Variants in DIAPH3 observed in about 807,000 individuals in gnomAD.
DIAPH3 encodes the protein protein diaphanous homolog 3.
DIAPH3 carries 117 observed loss-of-function variants against 144.3 expected under a neutral mutation model. The observed-to-expected ratio is 0.81, with a 90% confidence interval of 0.70 to 0.95. The LOEUF is 0.95. Ranked by LOEUF, DIAPH3 falls within the 40% of genes least tolerant of loss-of-function variation. The probability of loss-of-function intolerance (pLI) is 0.00; values close to 1 mark genes in which losing one functional copy is unlikely to be tolerated. For missense variants in DIAPH3, 1,421 were observed against 1,412.7 expected (o/e 1.01, Z -0.09); for synonymous variants, 519 against 488.9 (o/e 1.06, Z -0.81).
chr13:59,807,556 A>G (rs2040258811), intron 25 of DIAPH3, among the ~76,000 whole-genome samples: 1 of 152,036 alleles, frequency 6.6e-6, no homozygotes, highest in African/African-American at 2.4e-5. Context: ...TATCATTTAT[A>G]TAAATCTAAG....
chr13:60,056,577 A>C (rs189750148), intron 4 of DIAPH3, among the ~76,000 whole-genome samples: 2 of 151,924 alleles, frequency 1.3e-5, no homozygotes, highest in Admixed American at 1.3e-4. Flanking sequence ...CCAGATCTTG[A>C]ATTCTAAATA....
At chr13:59,980,950 A>G in intron 13 of DIAPH3, 91 bp from the exon 14 acceptor site, 1 of 1,046,834 alleles carries the variant, frequency 9.6e-7, no homozygotes, top group Non-Finnish European at 1.4e-6. Context: ...ATCATAGAAA[A>G]TAATTAAATA....
Position 59,939,731 on chromosome 13 carries a change from G to A in DIAPH3, c.2075-14861C>T, listed in dbSNP as rs142636242. Among the ~76,000 whole-genome samples the A allele has an allele frequency of 2.2e-4, 33 of 152,168 alleles. No homozygotes were observed. The East Asian group carries it at 6.4e-3, about 29-fold the overall frequency. On this transcript the variant is annotated intron_variant, in intron 17 of 27. Transcript: ENST00000400324. ...ATGGCTCTTTATCTAGGTTTGTTGT[G>A]GATCCCTGTATATACATATTGACTT...
intron 21 of DIAPH3, among the ~76,000 whole-genome samples, chr13:59,863,278 A>G (rs1197168264): frequency 6.8e-6 from 1 of 147,718 alleles, no homozygotes; most frequent in African/African-American, 2.7e-5. Flanking sequence ...ATACAAATAA[A>G]GGGTTAAAAA....
At chr13:60,067,143 G>C (rs1393050338) in intron 4 of DIAPH3, among the ~76,000 whole-genome samples, 1 of 152,018 alleles carries the variant, frequency 6.6e-6, no homozygotes, top group Non-Finnish European at 1.5e-5. Context: ...ACATTAGGCA[G>C]GCATGGTGGC....
intron 27 of DIAPH3, among the ~76,000 whole-genome samples, chr13:59,760,549 A>G (rs76726879): frequency 0.023 from 3,444 of 152,320 alleles, 93 homozygotes; most frequent in East Asian, 0.12. Context: ...AACGGTATTT[A>G]CTAGTTCATC....
rs1044574418 is a variant in DIAPH3, at chr13:60,010,763, G to C, written c.772-94C>G. On this transcript the variant is annotated intron_variant, in intron 7 of 27. Transcript: ENST00000400324. ...TGTAGTTATTAAAAAAAATTTATAG[G>C]ACATTTTTACACTTACTAAAGCTAA... 4.6e-6 allele frequency: 6 copies of C among 1,293,854 alleles called. No homozygotes were observed. The Admixed American group carries it at 1.2e-4, about 27-fold the overall frequency. The allele number at this position is 1,293,854 out of a possible 1,614,324, so 80.1% of individuals were successfully genotyped here. A position where few individuals can be genotyped will look rare whatever the true frequency, so the allele number is the denominator to read the frequency against.
chr13:60,111,892 A>G, intron 3 of DIAPH3, 118 bp downstream of exon 3: 1 of 965,980 alleles, frequency 1.0e-6, no homozygotes. Flanking sequence ...TGCTATCTTA[A>G]GTGACATCAG....
intron 5 of DIAPH3, among the ~76,000 whole-genome samples, chr13:60,041,672 A>T (rs776111896): frequency 1.5e-4 from 23 of 152,164 alleles, no homozygotes; most frequent in Non-Finnish European, 2.6e-4. Context: ...TCTAGCCTTC[A>T]GAACACACAC....
intron 4 of DIAPH3, among the ~76,000 whole-genome samples, chr13:60,088,169 G>A (rs985123895): frequency 2.6e-5 from 4 of 151,942 alleles, no homozygotes; most frequent in African/African-American, 9.7e-5. Flanking sequence ...CTTGACCTAC[G>A]AAAATTAATT....
chr13:59,952,251 A>G (rs536790987), intron 17 of DIAPH3, among the ~76,000 whole-genome samples: 45 of 152,156 alleles, frequency 3.0e-4, no homozygotes, highest in Non-Finnish European at 5.1e-4. Flanking sequence ...GGGGAAGTGA[A>G]TAATGGGGAG....
intron 20 of DIAPH3, among the ~76,000 whole-genome samples, chr13:59,885,824 C>A (rs542847795): frequency 1.3e-5 from 2 of 152,008 alleles, no homozygotes; most frequent in Non-Finnish European, 2.9e-5. Context: ...ATTAATGAAG[C>A]TAGCAGAGTG....
intron 5 of DIAPH3, among the ~76,000 whole-genome samples, chr13:60,032,082 C>G (rs1218444942): frequency 6.6e-6 from 1 of 152,146 alleles, no homozygotes; most frequent in Non-Finnish European, 1.5e-5. Context: ...GTCCCACATC[C>G]AGGCCACATT....
intron 24 of DIAPH3, among the ~76,000 whole-genome samples, chr13:59,829,120 A>T (rs900039922): frequency 6.6e-5 from 10 of 152,010 alleles, no homozygotes; most frequent in Admixed American, 3.9e-4. Context: ...TAGTCGTGAG[A>T]TTCTAGAAAC....
At chr13:60,063,584 C>A (rs564570728) in intron 4 of DIAPH3, among the ~76,000 whole-genome samples, 11 of 152,152 alleles carry the variant, frequency 7.2e-5, no homozygotes, top group African/African-American at 2.4e-4. Flanking sequence ...TGAAATGACT[C>A]CTTGATCCAT....
rs747091878 is a variant in DIAPH3, at chr13:59,666,713, T to C, written c.3453A>G (p.Ala1151=). 4 of 1,614,196 alleles carry C rather than the reference T, an allele frequency of 2.5e-6. No individual in the cohort carries two copies. Among genetic ancestry groups the C allele is most frequent in the Non-Finnish European group, 3.4e-6 (4 of 1,180,008 alleles). ...CATTACACGCTTCCTTCTTCTCAGC[T>C]GCCTTGATCCTCCCAGTAGACGTAT... ...DTHTSTGRIK[A]AEKKEACNVE... The change falls in exon 28 of 28, where the codon GCA becomes GCG. Residue 1151 remains alanine, a synonymous_variant. Coordinates refer to ENST00000400324, the MANE Select transcript of DIAPH3 (RefSeq NM_001042517.2).
At chr13:59,983,722 A>T (rs750585239) in intron 13 of DIAPH3, 47 bp downstream of exon 13, 3 of 1,301,824 alleles carry the variant, frequency 2.3e-6, no homozygotes, top group African/African-American at 2.9e-5. Context: ...GCTCATTCAT[A>T]GAATAAGAGA....
At chr13:59,682,069 A>C (rs2032977750) in intron 27 of DIAPH3, among the ~76,000 whole-genome samples, 1 of 152,202 alleles carries the variant, frequency 6.6e-6, no homozygotes, top group East Asian at 1.9e-4. Flanking sequence ...TTTTCTGCTT[A>C]TATGGTACAG....
chr13:59,993,669 T>C (rs963943325), intron 9 of DIAPH3, among the ~76,000 whole-genome samples: 1 of 118,972 alleles, frequency 8.4e-6, no homozygotes, highest in Admixed American at 1.2e-4. Context: ...ATGGGAAATA[T>C]GTCAGAAGAG....
Sources: gnomAD v4.1 joint callset for allele counts (sites outside exome capture counted in the v4.1 genomes callset) on GRCh38, gnomAD v4.1.1 for gene constraint, MANE v1.5 for transcripts, NCBI Gene and HGNC (gene_info 2026-07-23, HGNC 2026-07-21) for gene names.